The following IREB2 variants were observed in gnomAD, a reference collection of about 807,000 sequenced individuals.
IREB2 encodes iron-responsive element-binding protein 2.
Under a neutral mutation model 118.8 loss-of-function variants are expected in IREB2, and 39 were observed. That is an observed-to-expected ratio of 0.33 (90% CI 0.25 to 0.43). IREB2 has a LOEUF of 0.43. IREB2 is among the 20% of genes least tolerant of loss of function. IREB2 has a pLI of 1.00. For missense variants in IREB2, 900 were observed against 1,147.3 expected, an observed-to-expected ratio of 0.78 and a Z score of 3.11; for synonymous variants, 372 against 392.2, an observed-to-expected ratio of 0.95 and a Z score of 0.61.
intron 2 of IREB2, among the ~76,000 whole-genome samples, chr15:78,449,249 C>T (rs2050982600): frequency 6.6e-6 from 1 of 152,108 alleles, no homozygotes; most frequent in Non-Finnish European, 1.5e-5. Context: ...TATGTATTTA[C>T]CGTATCCAGT....
chr15:78,440,945 TAGAG>T (rs774832288), intron 2 of IREB2, among the ~76,000 whole-genome samples: 1 of 152,216 alleles, frequency 6.6e-6, no homozygotes, highest in African/African-American at 2.4e-5. Context: ...ATTGGGCCAA[TAGAG>T]AGACCTCTTT....
Position 78,488,736 on chromosome 15 carries a change from C to A in IREB2, c.2041C>A (p.Leu681Ile). Reference sequence around the variant, plus strand: ...TCGAGTAGAGGAAGAACATGTTATACTATCCATGTTTAAAGCATTAAAAGA... The same window carrying A: ...TCGAGTAGAGGAAGAACATGTTATAATATCCATGTTTAAAGCATTAAAAGA... The part of the protein sequence containing the change: ...VHRVEEEHVI[L>I]SMFKALKDKI... Residue 681 changes from leucine to isoleucine, a missense_variant, in exon 16 of 22, where the codon CTA (leucine) becomes ATA (isoleucine). By Grantham distance (5) the Leu-to-Ile change is conservative (BLOSUM62 2). Coordinates refer to ENST00000258886, the MANE Select transcript of IREB2 (RefSeq NM_004136.4). 2 of 1,552,110 alleles carry A rather than the reference C, an allele frequency of 1.3e-6. No individual in the cohort carries two copies. Among genetic ancestry groups the A allele is most frequent in the Admixed American group, 1.7e-5 (1 of 59,296 alleles).
intron 3 of IREB2, among the ~76,000 whole-genome samples, chr15:78,463,781 C>T (rs767370986): frequency 1.3e-5 from 2 of 152,246 alleles, no homozygotes; most frequent in South Asian, 2.1e-4. Flanking sequence ...TGGGCTCAAG[C>T]GATCCTCCTG....
chr15:78,438,506 GCCGC>G, intron 1 of IREB2, 150 bp downstream of exon 1: 1 of 867,088 alleles, frequency 1.2e-6, no homozygotes, highest in African/African-American at 1.7e-5. Context: ...TGCCTGCTGG[GCCGC>G]CCTTTGAGCC....
intron 8 of IREB2, chr15:78,474,564 CTG>C (rs1439991019): frequency 6.6e-6 from 1 of 152,116 alleles, no homozygotes; most frequent in Non-Finnish European, 1.5e-5. Context: ...GACAATATTA[CTG>C]TGTGTTTTTT....
intron 2 of IREB2, among the ~76,000 whole-genome samples, chr15:78,446,293 A>G (rs75367798): frequency 0.018 from 2,716 of 152,238 alleles, 105 homozygotes; most frequent in African/African-American, 0.062. Flanking sequence ...ACATCATCCT[A>G]CTAGTCCATG....
rs138146428 is a variant in IREB2 at position 78,478,373 on chromosome 15, T to A, written c.1272T>A (p.Ser424=). Residue 424 remains serine, a synonymous_variant, in exon 10 of 22, where the codon TCT becomes TCA. Transcript: ENST00000258886. ...AVKLFRNDQN[S]SGEPEYSQVI... ...AATTGTTTCGAAATGACCAGAATTC[T>A]TCAGGAGAACCTGAATACTCCCAGG... 6 of 1,607,704 alleles carry A rather than the reference T, an allele frequency of 3.7e-6. No individual in the cohort carries two copies. In the East Asian group the frequency reaches 1.3e-4, roughly 36 times the overall value.
intron 14 of IREB2, 101 bp from the exon 15 acceptor site, chr15:78,488,079 A>T: frequency 8.9e-7 from 1 of 1,126,706 alleles, no homozygotes; most frequent in Non-Finnish European, 1.2e-6. Flanking sequence ...TTTTTTGGTT[A>T]ATCTCGCCCT....
At chr15:78,480,750 T>G (rs956268918) in intron 10 of IREB2, among the ~76,000 whole-genome samples, 1 of 148,704 alleles carries the variant, frequency 6.7e-6, no homozygotes, top group African/African-American at 2.5e-5. Flanking sequence ...TCCTAGCACT[T>G]TGGGAGGCCC....
intron 12 of IREB2, 134 bp downstream of exon 12, chr15:78,485,054 T>C (rs2051637426): frequency 5.1e-6 from 4 of 778,246 alleles, no homozygotes; most frequent in Admixed American, 3.1e-5. Context: ...GTATTTTAGT[T>C]AGGTCTTAAG....
chr15:78,446,447 G>A (rs983592401), intron 2 of IREB2, among the ~76,000 whole-genome samples: 2 of 152,076 alleles, frequency 1.3e-5, no homozygotes, highest in African/African-American at 4.8e-5. Flanking sequence ...GCGCTCCCCA[G>A]GCCAATGAAA....
chr15:78,483,043 AT>A (rs2051602471), intron 10 of IREB2, among the ~76,000 whole-genome samples: 1 of 152,068 alleles, frequency 6.6e-6, no homozygotes, highest in Admixed American at 6.6e-5. Context: ...CCGGCCCCAG[AT>A]TTTGTATATG....
intron 2 of IREB2, among the ~76,000 whole-genome samples, chr15:78,452,562 A>T (rs1159535153): frequency 2.0e-5 from 3 of 152,136 alleles, no homozygotes; most frequent in African/African-American, 7.2e-5. Flanking sequence ...TAGATATCAG[A>T]TAAAGGAGTA....
intron 6 of IREB2, 91 bp downstream of exon 6, chr15:78,470,692 T>A: frequency 2.4e-6 from 1 of 424,040 alleles, no homozygotes. Flanking sequence ...TCTTTTCCTT[T>A]TTTTTTTTTT....
intron 18 of IREB2, among the ~76,000 whole-genome samples, chr15:78,492,793 C>T (rs1202070694): frequency 6.6e-6 from 1 of 152,080 alleles, no homozygotes; most frequent in Non-Finnish European, 1.5e-5. Flanking sequence ...CACATGGGCT[C>T]GAGCATTCCT....
intron 10 of IREB2, 97 bp from the exon 11 acceptor site, chr15:78,483,221 A>C (rs2051605729): frequency 8.3e-6 from 5 of 605,052 alleles, no homozygotes; most frequent in Non-Finnish European, 1.2e-5. Context: ...AATAAATACG[A>C]ATATACTTAC....
chr15:78,456,535 T>G (rs899071361), intron 2 of IREB2, among the ~76,000 whole-genome samples: 9 of 151,882 alleles, frequency 5.9e-5, no homozygotes, highest in African/African-American at 2.2e-4. Flanking sequence ...GGCATAGTGG[T>G]ATACGCCTGT....
chr15:78,438,247 T>TC lies in IREB2; in HGVS notation c.-89dup. On this transcript the variant is annotated 5_prime_UTR_variant, in exon 1 of 22. Coordinates refer to ENST00000258886, the MANE Select transcript of IREB2 (RefSeq NM_004136.4). ...GCTTCCTTCTTTCCTCCCTTGCCAG[T>TC]CCGCCTGTCTTCCTCCCCGTCTTCC... 1.0e-6 allele frequency: 1 copy of TC among 986,654 alleles called. No individual in the cohort carries two copies. The highest frequency in any genetic ancestry group is 1.6e-6 in the Non-Finnish European group (1 of 630,920). The allele number at this position is 986,654 out of a possible 1,614,324, so 61.1% of individuals were successfully genotyped here.
intron 10 of IREB2, among the ~76,000 whole-genome samples, chr15:78,479,399 AT>A (rs1158698299): frequency 3.4e-3 from 442 of 130,678 alleles, no homozygotes; most frequent in Middle Eastern, 0.013. Flanking sequence ...TGGTTTTTGG[AT>A]TTTTTTTTTT....
Sources: allele counts gnomAD v4.1 joint callset (sites outside exome capture counted in the v4.1 genomes callset), GRCh38; gene constraint gnomAD v4.1.1; transcripts MANE v1.5; gene names NCBI Gene and HGNC (gene_info 2026-07-23, HGNC 2026-07-21).